Variants in CDHR2 observed in about 807,000 individuals in gnomAD.
CDHR2 encodes cadherin related family member 2, also known as cadherin-related family member 2.
In CDHR2, 104 loss-of-function variants were observed where a neutral mutation model predicts 138.6. That is an observed-to-expected ratio of 0.75 (90% CI 0.64 to 0.88). CDHR2 has a LOEUF of 0.88. Ranked by LOEUF, CDHR2 falls within the 40% of genes least tolerant of loss-of-function variation. CDHR2 has a pLI of 0.00. For missense variants in CDHR2, 1,624 were observed against 1,727.6 expected (o/e 0.94, Z 1.06); for synonymous variants, 755 against 742.8 (o/e 1.02, Z -0.27).
At position 176,581,499 on chromosome 5, in the gene CDHR2, G is replaced by A; in HGVS notation, c.1975G>A (p.Gly659Ser). 2 of 1,614,166 alleles carry A rather than the reference G, an allele frequency of 1.2e-6. No individual in the cohort carries two copies. Among genetic ancestry groups the A allele is most frequent in the Non-Finnish European group, 1.7e-6 (2 of 1,180,038 alleles). Residue 659 changes from glycine (G) to serine (S), a missense_variant, in exon 17 of 32, where the codon GGC becomes AGC. Gly to Ser is a moderately conservative substitution (Grantham distance 56). Coordinates refer to ENST00000261944, the MANE Select transcript of CDHR2 (RefSeq NM_017675.6). ...DREAIDPALE[G>S]RIVLTVLVSD... ...AGAGGCCATCGACCCCGCCCTGGAG[G>A]GCCGCATTGTGCTGACAGTGCTTGT...
intron 1 of CDHR2, among the ~76,000 whole-genome samples, chr5:176,563,719 C>T (rs541902763): frequency 1.2e-4 from 18 of 152,318 alleles, no homozygotes; most frequent in South Asian, 8.3e-4. Context: ...CCTCCCATCC[C>T]GCCATGGCTG....
intron 3 of CDHR2, among the ~76,000 whole-genome samples, 166 bp downstream of exon 3, chr5:176,565,909 C>A (rs1758068346): frequency 6.6e-6 from 1 of 152,202 alleles, no homozygotes; most frequent in Non-Finnish European, 1.5e-5. Flanking sequence ...TTCTTCTCTT[C>A]AGCTTCTGGG....
intron 16 of CDHR2, among the ~76,000 whole-genome samples, chr5:176,580,633 G>A (rs1478636291): frequency 6.6e-6 from 1 of 152,128 alleles, no homozygotes; most frequent in East Asian, 1.9e-4. Flanking sequence ...CCAGCACTTT[G>A]GGAAGCTGAG....
Position 176,591,419 on chromosome 5 carries a change from GAACCTCCCC to G in CDHR2, c.3673_3681del (p.Leu1225_Asn1227del), listed in dbSNP as rs771262678. On this transcript the variant is annotated inframe_deletion, in exon 30 of 32. Coordinates refer to ENST00000261944, the MANE Select transcript of CDHR2 (RefSeq NM_017675.6). ...TTCTCTCCAGAGCCAACCCCATGCT[GAACCTCCCC>G]AACAAAGACCTGGGCTTGGAGTACC... The G allele has an allele frequency of 6.2e-7, 1 of 1,614,044 alleles. No homozygotes were observed. Among genetic ancestry groups the G allele is most frequent in the Non-Finnish European group, 8.5e-7 (1 of 1,180,016 alleles).
intron 19 of CDHR2, 41 bp from the exon 20 acceptor site, chr5:176,585,913 G>A: frequency 1.3e-6 from 2 of 1,525,810 alleles, no homozygotes; most frequent in Non-Finnish European, 1.8e-6. Context: ...TTTGGGTCAA[G>A]CTTTTGCCCA....
chr5:176,551,870 AT>A (rs11312647), intron 1 of CDHR2, among the ~76,000 whole-genome samples: 18,886 of 97,268 alleles, frequency 0.19, 2,516 homozygotes, highest in African/African-American at 0.37. Context: ...CCTGGCTAAT[AT>A]TTTTTTTTTT....
At chr5:176,589,251 C>T in intron 22 of CDHR2, 69 bp downstream of exon 22, 1 of 1,599,310 alleles carries the variant, frequency 6.3e-7, no homozygotes, top group Non-Finnish European at 8.5e-7. Flanking sequence ...GGCAGCAAGT[C>T]CCCCATCCTG....
At position 176,578,078 on chromosome 5, in the gene CDHR2, C is replaced by A; in HGVS notation, c.1557C>A (p.Ser519Arg). 3 of 1,612,896 alleles carry A rather than the reference C, an allele frequency of 1.9e-6. No individual in the cohort carries two copies. The highest frequency in any genetic ancestry group is 2.5e-6 in the Non-Finnish European group (3 of 1,179,128). The change falls in exon 15 of 32, where the codon AGC becomes AGA. Residue 519 changes from serine to arginine, a missense_variant. Ser to Arg is a moderately radical substitution (Grantham distance 110). Around this residue, in one of 3 missense-constraint regions of CDHR2, gnomAD observed 1,061 missense variants for 1,136.6 expected, o/e 0.93. Transcript: ENST00000261944. ...DTGAWGQITY[S>R]LLPGNGADLF... ...GCGCGTGGGGCCAAATTACCTACAG[C>A]CTGCTCCCAGGAAATGGGTAAGGGC...
Position 176,579,468 on chromosome 5 carries a change from C to T in CDHR2, c.1818+860C>T, listed in dbSNP as rs1360645467. Among the ~76,000 whole-genome samples the T allele has an allele frequency of 2.6e-5, 4 of 152,266 alleles. No homozygotes were observed. In the East Asian group the frequency reaches 7.7e-4, roughly 29 times the overall value. On this transcript the variant is annotated intron_variant, in intron 16 of 31. Coordinates refer to ENST00000261944, the MANE Select transcript of CDHR2 (RefSeq NM_017675.6). Reference sequence around the variant, plus strand: ...TCTGGCCCTGAAGCCTTGGCCTTTCCTCCTTCCTGCTTGGCACTTCTCCCC... The same window carrying T: ...TCTGGCCCTGAAGCCTTGGCCTTTCTTCCTTCCTGCTTGGCACTTCTCCCC...
At position 176,543,378 on chromosome 5, in the gene CDHR2, C is replaced by G. The variant is rs972952811; in HGVS notation, c.-16+609C>G. On this transcript the variant is annotated intron_variant, in intron 1 of 31. Coordinates refer to the CDHR2 transcript ENST00000510636. The surrounding 1 kb of genome is among the most constrained non-coding windows in gnomAD (Gnocchi z 4.0). The stretch of plus-strand genomic sequence containing the variant: ...CGCCTGCCGCGGCCCCTCTCCGGCC[C>G]GGTGCAGGGGAACCGTCCGCGGACC... Among the ~76,000 whole-genome samples the G allele has an allele frequency of 4.0e-5, 6 of 150,026 alleles. No individual in the cohort carries two copies. The highest frequency in any genetic ancestry group is 1.2e-4 in the African/African-American group (5 of 41,190).
Position 176,571,209 on chromosome 5 carries a change from G to T in CDHR2, c.316-4G>T, listed in dbSNP as rs1758221400. The T allele has an allele frequency of 1.2e-6, 2 of 1,609,192 alleles. No homozygotes were observed. Among genetic ancestry groups the T allele is most frequent in the Non-Finnish European group, 1.7e-6 (2 of 1,176,346 alleles). ...TGGGGTCCCCTGGGCTTTCTCACTT[G>T]CAGGTGCAGAGGGAGATGCTGGTGA... On this transcript the variant is annotated splice_region_variant and splice_polypyrimidine_tract_variant and intron_variant, in intron 5 of 31. Coordinates refer to ENST00000261944, the MANE Select transcript of CDHR2 (RefSeq NM_017675.6).
intron 1 of CDHR2, among the ~76,000 whole-genome samples, chr5:176,562,059 G>A (rs1218876749): frequency 6.6e-6 from 1 of 152,192 alleles, no homozygotes; most frequent in Admixed American, 6.6e-5. Context: ...GCGTGCGGGA[G>A]ATGAGGGGTG....
intron 31 of CDHR2, among the ~76,000 whole-genome samples, chr5:176,595,138 G>A (rs1260720655): frequency 3.3e-5 from 5 of 152,174 alleles, no homozygotes; most frequent in African/African-American, 1.2e-4. Context: ...GGTTTCAGTG[G>A]GTAGTTGAGG....
At chr5:176,545,188 T>C (rs903382968), upstream of CDHR2, among the ~76,000 whole-genome samples, 1 of 152,120 alleles carries the variant, frequency 6.6e-6, no homozygotes, top group South Asian at 2.1e-4. Flanking sequence ...CAATCTCGGC[T>C]CACTGCAATC....
At chr5:176,584,312 T>C in intron 18 of CDHR2, 53 bp downstream of exon 18, 1 of 1,613,048 alleles carries the variant, frequency 6.2e-7, no homozygotes, top group South Asian at 1.1e-5. Flanking sequence ...CAGTGTGGCT[T>C]TGTCAGGGTG....
chr5:176,546,608 AT>A (rs565390130), upstream of CDHR2, among the ~76,000 whole-genome samples: 17 of 152,160 alleles, frequency 1.1e-4, no homozygotes, highest in South Asian at 2.7e-3. Flanking sequence ...GATAAAAAAA[AT>A]AATAAAAATA....
chr5:176,556,350 C>T (rs1757823581), intron 1 of CDHR2, among the ~76,000 whole-genome samples: 1 of 152,168 alleles, frequency 6.6e-6, no homozygotes. Context: ...GAATGGGTGA[C>T]AGAGCAAGAC....
intron 30 of CDHR2, 27 bp from the exon 31 acceptor site, chr5:176,592,696 A>G: frequency 6.2e-7 from 1 of 1,611,618 alleles, no homozygotes; most frequent in Non-Finnish European, 8.5e-7. Context: ...GCCTGCCAAC[A>G]CCTGAGCTCC....
At chr5:176,571,427 C>G (rs1343484825) in intron 6 of CDHR2, 125 bp downstream of exon 6, 1 of 561,154 alleles carries the variant, frequency 1.8e-6, no homozygotes, top group African/African-American at 2.0e-5. Flanking sequence ...GCAGGGGCAG[C>G]TTCAAGAACC....
Sources: gnomAD v4.1 joint callset for allele counts (sites outside exome capture counted in the v4.1 genomes callset) on GRCh38, gnomAD v4.1.1 for gene constraint, gnomAD v4.1.1 regional missense constraint, Gnocchi (gnomAD v3.1) non-coding constraint, MANE v1.5 for transcripts, NCBI Gene and HGNC (gene_info 2026-07-23, HGNC 2026-07-21) for gene names.